The following CNKSR3 variants were observed in gnomAD, a reference collection of about 807,000 sequenced individuals.
CNKSR3 encodes the protein CNKSR family member 3.
A neutral mutation model predicts 67.7 loss-of-function variants in CNKSR3; 36 were observed. The observed-to-expected ratio is 0.53, with a 90% CI of 0.41 to 0.70. The LOEUF is 0.70. CNKSR3 is among the 30% of genes least tolerant of loss of function. The probability of loss-of-function intolerance (pLI) is 0.00; values close to 1 mark genes in which losing one functional copy is unlikely to be tolerated. For synonymous variants in CNKSR3, 281 were observed against 271.4 expected (o/e 1.04, Z -0.35); for missense variants, 630 against 695.2 (o/e 0.91, Z 1.05).
At position 154,450,301 on chromosome 6, in the gene CNKSR3, C is replaced by T. The variant is rs199945538; in HGVS notation, c.53-43G>A. The T allele has an allele frequency of 2.8e-5, 45 of 1,597,964 alleles. 1 individual carries two copies. In the East Asian group the frequency reaches 4.3e-4, roughly 15 times the overall value. ...AAGTCCCATTATTGCCATTTTGTTCCTTTACCCACCCCCTGCAAACTGCCC... is the reference window on the plus strand; with the variant it reads ...AAGTCCCATTATTGCCATTTTGTTCTTTTACCCACCCCCTGCAAACTGCCC... On this transcript the variant is annotated intron_variant, in intron 1 of 12. Transcript: ENST00000607772.
intron 1 of CNKSR3, among the ~76,000 whole-genome samples, chr6:154,454,104 C>CACAGAGAGAGAGAGAG (rs1268729108): frequency 2.6e-4 from 30 of 116,318 alleles, no homozygotes; most frequent in African/African-American, 1.0e-3. Flanking sequence ...CACACACACA[C>CACAGAGAGAGAGAGAG]AGAGAGAGAG....
chr6:154,427,188 A>G (rs1393006703), intron 7 of CNKSR3, among the ~76,000 whole-genome samples: 1 of 152,206 alleles, frequency 6.6e-6, no homozygotes, highest in Non-Finnish European at 1.5e-5. Context: ...AAGCAGTATC[A>G]TTTTCTCACT....
chr6:154,487,061 GCCA>G (rs1786689424), intron 1 of CNKSR3, among the ~76,000 whole-genome samples: 1 of 151,638 alleles, frequency 6.6e-6, no homozygotes, highest in South Asian at 2.1e-4. Flanking sequence ...ACAGGCACGT[GCCA>G]CCACACCCAG....
intron 12 of CNKSR3, among the ~76,000 whole-genome samples, chr6:154,408,270 GC>G (rs1784843189): frequency 6.6e-6 from 1 of 152,172 alleles, no homozygotes; most frequent in Admixed American, 6.5e-5. Context: ...TGATCCGCCT[GC>G]CTTGGCCTCC....
At chr6:154,461,725 C>T (rs946234) in intron 1 of CNKSR3, among the ~76,000 whole-genome samples, 104,546 of 152,190 alleles carry the variant, frequency 0.69, 36,400 homozygotes, top group African/African-American at 0.8. Flanking sequence ...GTAAGCGCTA[C>T]TATTTAAAAA....
intron 5 of CNKSR3, among the ~76,000 whole-genome samples, chr6:154,431,217 G>C (rs950238683): frequency 2.0e-5 from 3 of 151,904 alleles, no homozygotes; most frequent in Non-Finnish European, 4.4e-5. Flanking sequence ...GCTGAGGTAG[G>C]GGGATCACCT....
chr6:154,487,436 C>A (rs1348231050), intron 1 of CNKSR3, among the ~76,000 whole-genome samples: 1 of 152,144 alleles, frequency 6.6e-6, no homozygotes, highest in African/African-American at 2.4e-5. Flanking sequence ...GTTGACTAAA[C>A]AATGTACATA....
chr6:154,427,212 G>A (rs1785274197), intron 7 of CNKSR3, among the ~76,000 whole-genome samples: 1 of 152,148 alleles, frequency 6.6e-6, no homozygotes, highest in Non-Finnish European at 1.5e-5. Context: ...AACATCAAGT[G>A]CTTATCACAG....
chr6:154,469,985 A>G (rs182183495), intron 1 of CNKSR3, among the ~76,000 whole-genome samples: 6 of 151,952 alleles, frequency 3.9e-5, no homozygotes, highest in Non-Finnish European at 4.4e-5. Context: ...AATTGTTGCA[A>G]ATCTCCAAAA....
chr6:154,468,393 TAC>T (rs55806681), intron 1 of CNKSR3, among the ~76,000 whole-genome samples: 15,077 of 137,144 alleles, frequency 0.11, 915 homozygotes, highest in South Asian at 0.21. Context: ...ATATATTTTA[TAC>T]ACACACACAC....
chr6:154,424,060 G>A (rs953212236), intron 7 of CNKSR3, among the ~76,000 whole-genome samples: 6 of 151,876 alleles, frequency 4.0e-5, no homozygotes, highest in African/African-American at 1.2e-4. Flanking sequence ...GTGAAATCCC[G>A]TCTCTACTAA....
chr6:154,496,180 C>A, intron 1 of CNKSR3, among the ~76,000 whole-genome samples: 1 of 152,174 alleles, frequency 6.6e-6, no homozygotes, highest in East Asian at 1.9e-4. Flanking sequence ...GTACCCACAT[C>A]CTAAATCTTG....
chr6:154,432,872 C>T (rs1785395990), intron 5 of CNKSR3, among the ~76,000 whole-genome samples: 1 of 152,072 alleles, frequency 6.6e-6, no homozygotes, highest in Admixed American at 6.6e-5. Context: ...TTTTTCTTTC[C>T]AAGGGGGAGA....
At chr6:154,411,813 A>C (rs1407208943) in intron 10 of CNKSR3, among the ~76,000 whole-genome samples, 1 of 152,170 alleles carries the variant, frequency 6.6e-6, no homozygotes, top group Non-Finnish European at 1.5e-5. Context: ...TCATGCCAAG[A>C]GTCGGATCTC....
chr6:154,414,823 C>T (rs376899999), intron 9 of CNKSR3: 7 of 475,076 alleles, frequency 1.5e-5, no homozygotes, highest in African/African-American at 5.9e-5. Flanking sequence ...CTGGGCACGG[C>T]GGTTCTTGCC....
Position 154,442,154 on chromosome 6 carries a change from T to A in CNKSR3, c.353A>T (p.Asn118Ile), listed in dbSNP as rs148744566. ...CTCCACCACCGAGGTCAGGAACTCA[T>A]TGGGGGCCTTGCGGGAGGTGTTGCC... ...YDGNTSRKAPNEFLTSVVELI... is the reference protein window; with the variant it reads ...YDGNTSRKAPIEFLTSVVELI... Residue 118 changes from asparagine (N) to isoleucine (I), a missense_variant, in exon 3 of 13, where the codon AAT becomes ATT. By Grantham distance (149) the Asn-to-Ile change is moderately radical. Coordinates refer to ENST00000607772, the MANE Select transcript of CNKSR3 (RefSeq NM_173515.4). The A allele has an allele frequency of 2.5e-6, 4 of 1,614,024 alleles. No homozygotes were observed. The highest frequency in any genetic ancestry group is 3.4e-6 in the Non-Finnish European group (4 of 1,180,008).
At chr6:154,438,925 G>A (rs958051672) in intron 4 of CNKSR3, among the ~76,000 whole-genome samples, 1 of 152,170 alleles carries the variant, frequency 6.6e-6, no homozygotes, top group African/African-American at 2.4e-5. Flanking sequence ...ATGTGACCAG[G>A]ACATGTACCT....
intron 1 of CNKSR3, among the ~76,000 whole-genome samples, chr6:154,504,814 C>T (rs1457814769): frequency 2.0e-5 from 3 of 151,636 alleles, no homozygotes; most frequent in African/African-American, 7.2e-5. Flanking sequence ...CAAGATCAGC[C>T]TGGGCAACAG....
chr6:154,475,883 T>C (rs1582890670), intron 1 of CNKSR3, among the ~76,000 whole-genome samples: 1 of 151,886 alleles, frequency 6.6e-6, no homozygotes, highest in Admixed American at 6.6e-5. Flanking sequence ...TAAAAAAACC[T>C]TAAGTACAGT....
Sources: gnomAD v4.1 joint callset for allele counts (sites outside exome capture counted in the v4.1 genomes callset) on GRCh38, gnomAD v4.1.1 for gene constraint, MANE v1.5 for transcripts, NCBI Gene and HGNC (gene_info 2026-07-23, HGNC 2026-07-21) for gene names.